CCDC198: variants seen among roughly 807,000 people sequenced by gnomAD.
The protein encoded by CCDC198 is coiled-coil domain containing 198.
In CCDC198, 18 loss-of-function variants were observed where a neutral mutation model predicts 35.6. That is an observed-to-expected ratio of 0.51 (90% confidence interval 0.35 to 0.75). The LOEUF is 0.75. Ranked by LOEUF, CCDC198 falls within the 30% of genes least tolerant of loss-of-function variation. The pLI, the probability that CCDC198 is intolerant of heterozygous loss-of-function variation, is 0.01. For missense variants in CCDC198, 365 were observed against 343.7 expected (o/e 1.06, Z -0.49); for synonymous variants, 119 against 113.4 (o/e 1.05, Z -0.31).
rs551217711 is a variant in CCDC198 at position 57,481,721 on chromosome 14, A to G, written c.394-61T>C. The G allele has an allele frequency of 3.6e-5, 38 of 1,041,374 alleles. No homozygotes were observed. In the South Asian group the frequency reaches 4.2e-4, roughly 11 times the overall value. 64.5% of individuals were successfully genotyped at this position (1,041,374 alleles called of 1,614,324 possible). ...TTTGTTACTGACTCTGCAATTCACA[A>G]GTTTAGATCCTTTTTGAAACAGAGT... is the stretch of plus-strand genomic sequence containing the variant. On this transcript the variant is annotated intron_variant, in intron 3 of 5. Transcript: ENST00000216445.
intron 5 of CCDC198, among the ~76,000 whole-genome samples, chr14:57,477,998 A>G (rs955618311): frequency 5.9e-5 from 9 of 152,092 alleles, no homozygotes; most frequent in Non-Finnish European, 1.3e-4. Context: ...GTTCTTGAGA[A>G]GCTCCTCAGG....
chr14:57,489,516 C>T (rs903503363), intron 2 of CCDC198, among the ~76,000 whole-genome samples: 3 of 152,176 alleles, frequency 2.0e-5, no homozygotes. Context: ...CACCTGTACC[C>T]CTGAACTTAA....
intron 2 of CCDC198, among the ~76,000 whole-genome samples, chr14:57,488,778 C>T (rs902956612): frequency 4.6e-5 from 7 of 152,124 alleles, no homozygotes; most frequent in South Asian, 2.1e-4. Flanking sequence ...GAAAAAAGCT[C>T]AACATCACTG....
At chr14:57,481,534 AAT>A in intron 4 of CCDC198, 23 bp downstream of exon 4, 1 of 1,537,550 alleles carries the variant, frequency 6.5e-7, no homozygotes, top group African/African-American at 1.4e-5. Context: ...AAATTTGGTA[AAT>A]ATGACACTCT....
chr14:57,476,671 C>T (rs2067008095), intron 5 of CCDC198, among the ~76,000 whole-genome samples: 1 of 152,170 alleles, frequency 6.6e-6, no homozygotes. Flanking sequence ...TTTTATCTCA[C>T]AAGAGAGCCA....
At chr14:57,487,832 A>C (rs1265939540) in intron 2 of CCDC198, among the ~76,000 whole-genome samples, 1 of 152,184 alleles carries the variant, frequency 6.6e-6, no homozygotes, top group African/African-American at 2.4e-5. Context: ...TTCTCTCAAA[A>C]ACTCATTTGT....
rs577253455 is a variant in CCDC198, at chr14:57,480,875, C to T, written c.496-121G>A. 8.5e-6 allele frequency: 8 copies of T among 935,938 alleles called. No homozygotes were observed. The East Asian group carries it at 1.2e-4, about 14-fold the overall frequency. 58.0% of individuals were successfully genotyped at this position (935,938 alleles called of 1,614,324 possible). On this transcript the variant is annotated intron_variant, in intron 4 of 5. Transcript: ENST00000216445. The stretch of plus-strand genomic sequence containing the variant: ...TCTGTAGACATCTGCAGTCCTCTAA[C>T]CAGAACATGGTTTTCTTTTTCCTAT...
chr14:57,478,344 G>T, intron 5 of CCDC198: 1 of 479,028 alleles, frequency 2.1e-6, no homozygotes, highest in Non-Finnish European at 2.7e-6. Flanking sequence ...TTGAATTCTG[G>T]CTCTATCACC....
In CCDC198 at chr14:57,471,536, G is replaced by A; in HGVS notation, c.710C>T (p.Pro237Leu). Residue 237 changes from proline to leucine, a missense_variant, in exon 6 of 6, where the codon CCC (proline) becomes CTC (leucine). Coordinates refer to ENST00000216445, the MANE Select transcript of CCDC198 (RefSeq NM_018168.4). ...LKHQAVNNYC[P>L]WKIGKMETWL... The stretch of plus-strand genomic sequence containing the variant: ...TGTTTCCATTTTGCCAATTTTCCAG[G>A]GACAGTAGTTATTCACTGCTTGATG... 1 of 1,613,158 alleles carries A rather than the reference G, an allele frequency of 6.2e-7. No homozygotes were observed. Among genetic ancestry groups the A allele is most frequent in the Non-Finnish European group, 8.5e-7 (1 of 1,179,642 alleles).
intron 2 of CCDC198, among the ~76,000 whole-genome samples, chr14:57,488,507 C>G (rs1323981088): frequency 6.6e-6 from 1 of 152,070 alleles, no homozygotes; most frequent in Non-Finnish European, 1.5e-5. Flanking sequence ...TTTACTCATT[C>G]ATTTTACTCA....
intron 5 of CCDC198, among the ~76,000 whole-genome samples, chr14:57,479,764 C>A (rs1330437068): frequency 6.6e-6 from 1 of 152,130 alleles, no homozygotes; most frequent in African/African-American, 2.4e-5. Context: ...CTGGGCATAA[C>A]CCCTGCAGTT....
intron 5 of CCDC198, chr14:57,480,368 C>A (rs1414939191): frequency 1.1e-6 from 1 of 902,150 alleles, no homozygotes; most frequent in Non-Finnish European, 1.3e-6. Flanking sequence ...CATATTAAAC[C>A]CATACAAAGA....
At chr14:57,478,605 C>G in intron 5 of CCDC198, 2 of 986,834 alleles carry the variant, frequency 2.0e-6, no homozygotes, top group Non-Finnish European at 2.4e-6. Flanking sequence ...TTTTTCTTGG[C>G]GTGCTCTCAA....
At chr14:57,482,999 C>T (rs2067238001) in intron 3 of CCDC198, 66 bp downstream of exon 3, 3 of 1,609,048 alleles carry the variant, frequency 1.9e-6, no homozygotes, top group Admixed American at 3.3e-5. Flanking sequence ...CAGTGTGCTC[C>T]AGTGCCCCAA....
At position 57,471,350 on chromosome 14, in the gene CCDC198, T is replaced by C. The variant is rs2066811008; in HGVS notation, c.*5A>G. 1 of 1,599,534 alleles carries C rather than the reference T, an allele frequency of 6.3e-7. No homozygotes were observed. The highest frequency in any genetic ancestry group is 1.3e-5 in the African/African-American group (1 of 74,652). On this transcript the variant is annotated 3_prime_UTR_variant, in exon 6 of 6. Coordinates refer to ENST00000216445, the MANE Select transcript of CCDC198 (RefSeq NM_018168.4). The stretch of plus-strand genomic sequence containing the variant: ...ACTCAGTTTCTAGGTTAATGAATAG[T>C]ATTCTTATTCTTGATCAAAAAACTC...
chr14:57,493,334 C>G (rs1313976765), intron 1 of CCDC198, among the ~76,000 whole-genome samples, 159 bp downstream of exon 1: 1 of 152,122 alleles, frequency 6.6e-6, no homozygotes, highest in Non-Finnish European at 1.5e-5. Context: ...AACTGATGTT[C>G]AATCCTCATT....
Position 57,470,636 on chromosome 14 carries a change from C to T in CCDC198, c.*719G>A, listed in dbSNP as rs1257726805. The T allele has an allele frequency of 6.6e-6, 1 of 152,262 alleles. No individual in the cohort carries two copies. The highest frequency in any genetic ancestry group is 1.5e-5 in the Non-Finnish European group (1 of 68,066). 9.4% of individuals were successfully genotyped at this position (152,262 alleles called of 1,614,324 possible). A position where few individuals can be genotyped will look rare whatever the true frequency, so the allele number is the denominator to read the frequency against. On this transcript the variant is annotated 3_prime_UTR_variant, in exon 6 of 6. Coordinates refer to ENST00000216445, the MANE Select transcript of CCDC198 (RefSeq NM_018168.4). ...TACAGGTGTGAGCCACCACATCCAG[C>T]CCATCTATTTGTTTTATGTAATCTA...
At chr14:57,475,773 T>C (rs2066969643) in intron 5 of CCDC198, 1 of 342,364 alleles carries the variant, frequency 2.9e-6, no homozygotes, top group Non-Finnish European at 5.5e-6. Context: ...CATACATTTG[T>C]ACGGCACTTA....
Position 57,481,575 on chromosome 14 carries a change from A to T in CCDC198, c.479T>A (p.Ile160Asn). The T allele has an allele frequency of 1.2e-6, 2 of 1,611,360 alleles. No individual in the cohort carries two copies. The highest frequency in any genetic ancestry group is 1.7e-6 in the Non-Finnish European group (2 of 1,178,392). The change falls in exon 4 of 6, where the codon ATC (isoleucine) becomes AAC (asparagine). Residue 160 changes from isoleucine (I) to asparagine (N), a missense_variant. Physicochemically the swap from Ile to Asn is moderately radical, Grantham distance 149 (BLOSUM62 -3). Coordinates refer to ENST00000216445, the MANE Select transcript of CCDC198 (RefSeq NM_018168.4). ...CGTATTTACCTCTTGTCTTTTACGG[A>T]TCATTTCCAGCACTTGCATCTTATG... is the stretch of plus-strand genomic sequence containing the variant. ...YLHKMQVLEM[I>N]RKRQEAQMEL...
Sources: allele counts gnomAD v4.1 joint callset (sites outside exome capture counted in the v4.1 genomes callset), GRCh38; gene constraint gnomAD v4.1.1; transcripts MANE v1.5; gene names NCBI Gene and HGNC (gene_info 2026-07-23, HGNC 2026-07-21).